DRC2: variants seen among roughly 807,000 people sequenced by gnomAD.
The protein encoded by DRC2 is dynein regulatory complex subunit 2.
chr12:48,920,441 T>TTAAAAAAA, the DRC2 span, among the ~76,000 whole-genome samples: 255 of 67,800 alleles, frequency 3.8e-3, 17 homozygotes, highest in East Asian at 9.9e-3. Context: ...AACTCCATCT[T>TTAAAAAAA]AAAAAAAAAA....
the DRC2 span, chr12:48,917,118 G>T: frequency 6.2e-7 from 1 of 1,613,770 alleles, no homozygotes; most frequent in South Asian, 1.1e-5. Flanking sequence ...GGTACGGAGG[G>T]AGAGTAGATA....
the DRC2 span, among the ~76,000 whole-genome samples, chr12:48,912,797 G>A: frequency 2.0e-5 from 3 of 152,114 alleles, no homozygotes; most frequent in Admixed American, 6.5e-5. Flanking sequence ...CTTCTGACAT[G>A]ACCCTTTTGG....
chr12:48,907,929 A>C, the DRC2 span, among the ~76,000 whole-genome samples: 1 of 151,982 alleles, frequency 6.6e-6, no homozygotes, highest in Non-Finnish European at 1.5e-5. Flanking sequence ...GGCCAATCTT[A>C]CACATTACCC....
At chr12:48,910,766 C>T in the DRC2 span, among the ~76,000 whole-genome samples, 2 of 152,064 alleles carry the variant, frequency 1.3e-5, no homozygotes, top group Non-Finnish European at 2.9e-5. Flanking sequence ...TCTTGGAGGC[C>T]GGGCACAGTG....
the DRC2 span, chr12:48,918,930 A>T: frequency 5.7e-6 from 9 of 1,586,694 alleles, no homozygotes; most frequent in Non-Finnish European, 7.8e-6. Context: ...GACTATCAGA[A>T]TAAAGTCAAG....
At chr12:48,915,554 C>G in the DRC2 span, among the ~76,000 whole-genome samples, 1 of 151,918 alleles carries the variant, frequency 6.6e-6, no homozygotes, top group African/African-American at 2.4e-5. Context: ...TCAATCTTTT[C>G]CCCACCTTTC....
At chr12:48,912,460 A>AAAAAAAAAAAAAAAAAAC in the DRC2 span, among the ~76,000 whole-genome samples, 1 of 150,156 alleles carries the variant, frequency 6.7e-6, no homozygotes, top group Non-Finnish European at 1.5e-5. Flanking sequence ...AAAAAAAAAA[A>AAAAAAAAAAAAAAAAAAC]TTCATGTGCA....
the DRC2 span, among the ~76,000 whole-genome samples, chr12:48,920,671 G>C: frequency 6.6e-6 from 1 of 151,556 alleles, no homozygotes; most frequent in Admixed American, 6.6e-5. Context: ...GTAGGCATGT[G>C]CTACCATGCC....
the DRC2 span, chr12:48,904,511 C>T: frequency 1.9e-6 from 3 of 1,592,254 alleles, no homozygotes; most frequent in Non-Finnish European, 2.6e-6. Flanking sequence ...CCCATCCACC[C>T]CCTGCCCTGG....
At chr12:48,911,224 T>A in the DRC2 span, among the ~76,000 whole-genome samples, 1 of 152,068 alleles carries the variant, frequency 6.6e-6, no homozygotes, top group African/African-American at 2.4e-5. Context: ...CATTGGGAGA[T>A]GCAAAAATGC....
chr12:48,915,563 TC>T, the DRC2 span, among the ~76,000 whole-genome samples: 6 of 151,540 alleles, frequency 4.0e-5, no homozygotes, highest in Non-Finnish European at 7.4e-5. Flanking sequence ...TCCCCACCTT[TC>T]CCCCCTTTCT....
chr12:48,916,902 T>C, the DRC2 span: 9 of 1,495,520 alleles, frequency 6.0e-6, 1 homozygote, highest in South Asian at 1.1e-4. Flanking sequence ...TACATACTGC[T>C]TTGAATTGTC....
the DRC2 span, among the ~76,000 whole-genome samples, chr12:48,913,335 G>A: frequency 6.6e-6 from 1 of 151,150 alleles, no homozygotes. Flanking sequence ...ACGGAGTCTC[G>A]CTCTGTCACC....
At chr12:48,920,467 AGAAT>A in the DRC2 span, among the ~76,000 whole-genome samples, 1 of 145,018 alleles carries the variant, frequency 6.9e-6, no homozygotes, top group Non-Finnish European at 1.5e-5. Flanking sequence ...AAAAAAAAAA[AGAAT>A]GAGAGAATGA....
the DRC2 span, chr12:48,916,869 GAGTTTGTACCAT>G: frequency 9.0e-7 from 1 of 1,113,578 alleles, no homozygotes; most frequent in East Asian, 2.5e-5. Flanking sequence ...CAGTACCTAA[GAGTTTGTACCAT>G]TCACATAGAT....
At chr12:48,912,079 G>A in the DRC2 span, among the ~76,000 whole-genome samples, 8 of 151,960 alleles carry the variant, frequency 5.3e-5, no homozygotes, top group African/African-American at 1.7e-4. Flanking sequence ...CCAACATGGT[G>A]AAATCTCATC....
the DRC2 span, chr12:48,919,008 C>T: frequency 2.6e-6 from 2 of 758,888 alleles, no homozygotes; most frequent in Non-Finnish European, 2.2e-6. Flanking sequence ...TGCTTCCTGG[C>T]TGAGTGGACA....
At chr12:48,917,888 C>CAATTT in the DRC2 span, among the ~76,000 whole-genome samples, 1 of 152,188 alleles carries the variant, frequency 6.6e-6, no homozygotes, top group Admixed American at 6.5e-5. Flanking sequence ...TTATTTACCC[C>CAATTT]ACAGTGTTTT....
the DRC2 span, among the ~76,000 whole-genome samples, chr12:48,916,277 G>A: frequency 2.6e-5 from 4 of 152,164 alleles, no homozygotes; most frequent in African/African-American, 9.6e-5. Context: ...GTAGCGAGCC[G>A]AGATCACGCC....
Sources: allele counts gnomAD v4.1 joint callset (sites outside exome capture counted in the v4.1 genomes callset), GRCh38; gene constraint gnomAD v4.1.1; transcripts MANE v1.5; gene names NCBI Gene and HGNC (gene_info 2026-07-23, HGNC 2026-07-21).